The following ANXA10 variants were observed in gnomAD, a reference collection of about 807,000 sequenced individuals.
The protein encoded by ANXA10 is annexin 14.
ANXA10 carries 49 observed loss-of-function variants against 53.5 expected under a neutral mutation model. The observed-to-expected ratio is 0.92, with a 90% CI of 0.73 to 1.16. The LOEUF (loss-of-function observed/expected upper bound fraction) is 1.16, where lower values mean the gene tolerates loss of function less well. Ranked by LOEUF, ANXA10 falls within the 50% of genes most tolerant of loss-of-function variation. The pLI, the probability that ANXA10 is intolerant of heterozygous loss-of-function variation, is 0.00. For missense variants in ANXA10, 393 were observed against 394.4 expected (o/e 1.00, Z 0.03); for synonymous variants, 131 against 128.9 (o/e 1.02, Z -0.11).
At chr4:168,117,037 A>C (rs1319976015) in intron 1 of ANXA10, among the ~76,000 whole-genome samples, 1 of 137,428 alleles carries the variant, frequency 7.3e-6, no homozygotes, top group East Asian at 2.1e-4. Context: ...CAGCTTTATT[A>C]ATCTGTATCT....
At position 168,175,244 on chromosome 4, in the gene ANXA10, C is replaced by T. The variant is rs112758264; in HGVS notation, c.481-2496C>T. Reference sequence around the variant, plus strand: ...GTCGATTATACCAAATCCTACTGATCGATTCAATAAGATGAAGACTAAGAA... The same window carrying T: ...GTCGATTATACCAAATCCTACTGATTGATTCAATAAGATGAAGACTAAGAA... On this transcript the variant is annotated intron_variant, in intron 6 of 11. Coordinates refer to ENST00000359299, the MANE Select transcript of ANXA10 (RefSeq NM_007193.5). 5.3e-3 allele frequency among the ~76,000 whole-genome samples: 811 copies of T among 152,076 alleles called. 7 individuals are homozygous for T. Among genetic ancestry groups the T allele is most frequent in the African/African-American group, 0.019 (780 of 41,478 alleles).
Position 168,126,102 on chromosome 4 carries a change from TTACTC to T in ANXA10, c.19-1979_19-1975del, listed in dbSNP as rs553342185. ...GTACATTTTTTTCAAAATTTCCAATTTACTCTAAGGCCAGAATAAAAAAAAATCAT... is the reference window on the plus strand; with the variant it reads ...GTACATTTTTTTCAAAATTTCCAATTTAAGGCCAGAATAAAAAAAAATCAT... On this transcript the variant is annotated intron_variant, in intron 1 of 11. Transcript: ENST00000359299. 4.6e-3 allele frequency among the ~76,000 whole-genome samples: 643 copies of T among 140,924 alleles called. 5 individuals are homozygous for T. Among genetic ancestry groups the T allele is most frequent in the Admixed American group, 7.0e-3 (93 of 13,222 alleles). 92.5% of individuals were successfully genotyped at this position (140,924 alleles called of 152,430 possible).
At chr4:168,162,468 T>C (rs1731802032) in intron 3 of ANXA10, 60 bp from the exon 4 acceptor site, 1 of 1,180,738 alleles carries the variant, frequency 8.5e-7, no homozygotes, top group African/African-American at 1.5e-5. Context: ...TCTGCAATTA[T>C]CTCATTTCTC....
At chr4:168,134,620 G>GGTTTT (rs1239225830) in intron 2 of ANXA10, among the ~76,000 whole-genome samples, 3 of 152,116 alleles carry the variant, frequency 2.0e-5, no homozygotes, top group Non-Finnish European at 4.4e-5. Flanking sequence ...TTCCTCTACT[G>GGTTTT]GTTTTGTTTT....
At chr4:168,115,113 G>A (rs774538376) in intron 1 of ANXA10, among the ~76,000 whole-genome samples, 9 of 152,082 alleles carry the variant, frequency 5.9e-5, no homozygotes, top group Non-Finnish European at 1.3e-4. Flanking sequence ...GAACTCCTGG[G>A]CTGAAGCAAT....
intron 1 of ANXA10, among the ~76,000 whole-genome samples, chr4:168,124,846 A>G (rs2149469098): frequency 6.6e-6 from 1 of 152,364 alleles, no homozygotes; most frequent in Non-Finnish European, 1.5e-5. Context: ...TTGATCTTTT[A>G]GAAGGATCAT....
intron 1 of ANXA10, among the ~76,000 whole-genome samples, chr4:168,120,560 A>G (rs566388725): frequency 2.0e-5 from 3 of 152,236 alleles, no homozygotes; most frequent in Admixed American, 6.5e-5. Flanking sequence ...TGGTAATGGT[A>G]CAGAATGTAC....
rs888582366 is a variant in ANXA10, at chr4:168,187,682, A to G, written c.*248A>G. ...TAAATAAATTGTGCATGATGGAATA[A>G]TAGAAAAATTGCATTGGAATAGATT... On this transcript the variant is annotated 3_prime_UTR_variant, in exon 12 of 12. Coordinates refer to ENST00000359299, the MANE Select transcript of ANXA10 (RefSeq NM_007193.5). 2.0e-5 allele frequency: 6 copies of G among 298,896 alleles called. No homozygotes were observed. In the East Asian group the frequency reaches 3.4e-4, roughly 17 times the overall value. The allele number at this position is 298,896 out of a possible 1,614,324, so 18.5% of individuals were successfully genotyped here.
intron 1 of ANXA10, among the ~76,000 whole-genome samples, chr4:168,122,453 A>G (rs1302628288): frequency 6.6e-6 from 1 of 152,240 alleles, no homozygotes; most frequent in African/African-American, 2.4e-5. Flanking sequence ...AATTACAACT[A>G]CTGAGAGAGA....
intron 3 of ANXA10, among the ~76,000 whole-genome samples, chr4:168,150,659 C>T (rs1022379051): frequency 6.6e-6 from 1 of 152,102 alleles, no homozygotes; most frequent in African/African-American, 2.4e-5. Flanking sequence ...CACGCACATG[C>T]GCAGTTAAGC....
intron 6 of ANXA10, among the ~76,000 whole-genome samples, chr4:168,168,743 A>G (rs1278242885): frequency 6.6e-6 from 1 of 152,218 alleles, no homozygotes; most frequent in Non-Finnish European, 1.5e-5. Flanking sequence ...AAAGCTGTGA[A>G]AAAGAATTGA....
In ANXA10 at chr4:168,092,658, C is replaced by T; in HGVS notation, c.-43C>T. On this transcript the variant is annotated 5_prime_UTR_variant, in exon 1 of 12. Coordinates refer to ENST00000359299, the MANE Select transcript of ANXA10 (RefSeq NM_007193.5). ...TCACAGTGAAACAAGTTTATGCAAT[C>T]GATCAAATATTTTCATCCCTGAGGT... The T allele has an allele frequency of 1.3e-6, 2 of 1,569,578 alleles. No individual in the cohort carries two copies. Among genetic ancestry groups the T allele is most frequent in the East Asian group, 2.3e-5 (1 of 43,134 alleles).
intron 1 of ANXA10, among the ~76,000 whole-genome samples, chr4:168,122,434 ACTTG>A (rs1024881567): frequency 3.3e-5 from 5 of 152,260 alleles, no homozygotes; most frequent in African/African-American, 1.2e-4. Flanking sequence ...ACTAAATTCC[ACTTG>A]CGTGAATTAC....
intron 3 of ANXA10, among the ~76,000 whole-genome samples, chr4:168,153,379 G>A (rs1731529718): frequency 9.3e-6 from 1 of 107,126 alleles, no homozygotes; most frequent in Admixed American, 1.1e-4. Flanking sequence ...TCACTAGAGA[G>A]AGAAACTAAA....
chr4:168,115,106 C>T (rs1730871481), intron 1 of ANXA10, among the ~76,000 whole-genome samples: 1 of 152,126 alleles, frequency 6.6e-6, no homozygotes, highest in Non-Finnish European at 1.5e-5. Context: ...TGGTCTGGAA[C>T]TCCTGGGCTG....
chr4:168,184,709 G>C, intron 11 of ANXA10, 28 bp downstream of exon 11: 1 of 1,608,178 alleles, frequency 6.2e-7, no homozygotes, highest in Non-Finnish European at 8.5e-7. Flanking sequence ...GATTTATTTG[G>C]ACCCACATTT....
intron 3 of ANXA10, among the ~76,000 whole-genome samples, chr4:168,143,952 AG>A (rs879322745): frequency 1.1e-4 from 16 of 152,220 alleles, no homozygotes; most frequent in African/African-American, 3.6e-4. Flanking sequence ...ACATCTTTCA[AG>A]GTTTTGCTTA....
intron 1 of ANXA10, among the ~76,000 whole-genome samples, chr4:168,112,823 C>A (rs147139317): frequency 2.3e-3 from 352 of 152,204 alleles, no homozygotes; most frequent in African/African-American, 8.0e-3. Flanking sequence ...GAGTTCAAGA[C>A]CAGCCTGACC....
At chr4:168,116,587 A>G (rs1321810339) in intron 1 of ANXA10, among the ~76,000 whole-genome samples, 1 of 152,130 alleles carries the variant, frequency 6.6e-6, no homozygotes, top group Non-Finnish European at 1.5e-5. Flanking sequence ...AATAACTAGA[A>G]GTTTCAGTAA....
Sources: gnomAD v4.1 joint callset for allele counts (sites outside exome capture counted in the v4.1 genomes callset) on GRCh38, gnomAD v4.1.1 for gene constraint, MANE v1.5 for transcripts, NCBI Gene and HGNC (gene_info 2026-07-23, HGNC 2026-07-21) for gene names.